HEMK2: variants seen among roughly 807,000 people sequenced by gnomAD.
The protein encoded by HEMK2 is HemK methyltransferase 2, ETF1 glutamine and histone H4 lysine.
At chr21:28,864,660 G>A in the HEMK2 span, among the ~76,000 whole-genome samples, 3 of 152,056 alleles carry the variant, frequency 2.0e-5, no homozygotes, top group South Asian at 6.2e-4. Flanking sequence ...CCCCCATGTT[G>A]TCCTTATCAT....
At chr21:28,600,074 C>A in the HEMK2 span, among the ~76,000 whole-genome samples, 2 of 152,192 alleles carry the variant, frequency 1.3e-5, no homozygotes, top group Non-Finnish European at 2.9e-5. Context: ...GTGCACAGTG[C>A]AAGCTGCAGG....
the HEMK2 span, among the ~76,000 whole-genome samples, chr21:28,777,669 G>T: frequency 1.3e-5 from 2 of 152,144 alleles, no homozygotes; most frequent in Admixed American, 6.5e-5. Context: ...GAACACGTTT[G>T]GCAAGAGGAG....
At chr21:28,876,429 C>T in the HEMK2 span, 2 of 1,612,008 alleles carry the variant, frequency 1.2e-6, no homozygotes, top group South Asian at 1.1e-5. Context: ...TCTTGGCCTG[C>T]TTGTCTGGAA....
At chr21:28,617,924 A>T in the HEMK2 span, among the ~76,000 whole-genome samples, 1 of 151,932 alleles carries the variant, frequency 6.6e-6, no homozygotes, top group Non-Finnish European at 1.5e-5. Flanking sequence ...AGTAGCTGGG[A>T]CTACAGGCAT....
chr21:28,867,560 A>T, the HEMK2 span, among the ~76,000 whole-genome samples: 1 of 152,182 alleles, frequency 6.6e-6, no homozygotes, highest in Non-Finnish European at 1.5e-5. Context: ...CCACAGTTTC[A>T]CTGTTGGCAG....
chr21:28,847,812 G>A, the HEMK2 span, among the ~76,000 whole-genome samples: 1 of 152,188 alleles, frequency 6.6e-6, no homozygotes. Context: ...TAAAAGGTAG[G>A]AGTCCAGTTT....
chr21:28,774,395 C>A, the HEMK2 span, among the ~76,000 whole-genome samples: 1 of 152,086 alleles, frequency 6.6e-6, no homozygotes, highest in Non-Finnish European at 1.5e-5. Context: ...CAAGACCAGG[C>A]TGGGCAACAT....
the HEMK2 span, among the ~76,000 whole-genome samples, chr21:28,753,746 A>C: frequency 0.072 from 11,012 of 152,218 alleles, 643 homozygotes; most frequent in East Asian, 0.16. Flanking sequence ...AAAAGAATTT[A>C]TTCTGCTTAG....
the HEMK2 span, among the ~76,000 whole-genome samples, chr21:28,788,202 A>ATATATACACG: frequency 2.1e-4 from 28 of 134,172 alleles, 1 homozygote; most frequent in Admixed American, 1.2e-3. Flanking sequence ...GTATATACGT[A>ATATATACACG]TATATACGTA....
the HEMK2 span, among the ~76,000 whole-genome samples, chr21:28,746,589 T>A: frequency 6.6e-6 from 1 of 151,170 alleles, no homozygotes; most frequent in African/African-American, 2.4e-5. Context: ...GAAATCAAAA[T>A]AGGGTGACGT....
the HEMK2 span, among the ~76,000 whole-genome samples, chr21:28,843,979 A>G: frequency 5.9e-5 from 9 of 152,196 alleles, no homozygotes; most frequent in South Asian, 1.4e-3. Flanking sequence ...AGAGCACATT[A>G]TAAGTGTGAC....
chr21:28,621,647 G>A, the HEMK2 span, among the ~76,000 whole-genome samples: 1 of 152,134 alleles, frequency 6.6e-6, no homozygotes. Context: ...CAATGTTTTG[G>A]GGGCAGGGGG....
At chr21:28,618,302 C>T in the HEMK2 span, among the ~76,000 whole-genome samples, 1 of 152,114 alleles carries the variant, frequency 6.6e-6, no homozygotes, top group South Asian at 2.1e-4. Flanking sequence ...TCATGACTTA[C>T]AACTGTATAT....
At chr21:28,817,442 C>T in the HEMK2 span, among the ~76,000 whole-genome samples, 1 of 152,224 alleles carries the variant, frequency 6.6e-6, no homozygotes, top group Middle Eastern at 3.4e-3. Flanking sequence ...TATTTAATTA[C>T]CTTTTATAAA....
chr21:28,586,107 G>C, the HEMK2 span, among the ~76,000 whole-genome samples: 1 of 152,194 alleles, frequency 6.6e-6, no homozygotes, highest in Non-Finnish European at 1.5e-5. Flanking sequence ...TGGTGGGATA[G>C]AGAAATGGTG....
At chr21:28,792,987 A>T in the HEMK2 span, among the ~76,000 whole-genome samples, 2 of 152,224 alleles carry the variant, frequency 1.3e-5, no homozygotes, top group Non-Finnish European at 2.9e-5. Flanking sequence ...GGCAACTTGG[A>T]TTTATAATTA....
chr21:28,707,834 C>T, the HEMK2 span, among the ~76,000 whole-genome samples: 1 of 152,000 alleles, frequency 6.6e-6, no homozygotes, highest in African/African-American at 2.4e-5. Context: ...ATATGTATAT[C>T]AAATCATCAC....
the HEMK2 span, among the ~76,000 whole-genome samples, chr21:28,720,160 C>T: frequency 6.6e-6 from 1 of 152,118 alleles, no homozygotes; most frequent in Non-Finnish European, 1.5e-5. Flanking sequence ...GCCATGAGTT[C>T]AATACTAACA....
chr21:28,635,083 T>C, the HEMK2 span, among the ~76,000 whole-genome samples: 4 of 151,174 alleles, frequency 2.6e-5, no homozygotes, highest in Non-Finnish European at 5.9e-5. Flanking sequence ...CTATGATCTA[T>C]GTGTTTAATG....
Sources: gnomAD v4.1 joint callset for allele counts (sites outside exome capture counted in the v4.1 genomes callset) on GRCh38, gnomAD v4.1.1 for gene constraint, MANE v1.5 for transcripts, NCBI Gene and HGNC (gene_info 2026-07-23, HGNC 2026-07-21) for gene names.